Variants in TRPC1 observed in about 807,000 individuals in gnomAD.
The protein encoded by TRPC1 is transient receptor potential cation channel subfamily C member 1.
A neutral mutation model predicts 88.2 loss-of-function variants in TRPC1; 42 were observed. That is an observed-to-expected ratio of 0.48 (90% CI 0.37 to 0.62). The LOEUF (loss-of-function observed/expected upper bound fraction) is 0.62, where lower values mean the gene tolerates loss of function less well. TRPC1 is among the 20% of genes least tolerant of loss of function. The pLI is 0.00. For missense variants in TRPC1, 699 were observed against 957.3 expected (o/e 0.73, Z 3.56); for synonymous variants, 288 against 331.8 (o/e 0.87, Z 1.43).
chr3:142,729,835 G>A (rs1280633211), intron 1 of TRPC1, among the ~76,000 whole-genome samples: 1 of 152,014 alleles, frequency 6.6e-6, no homozygotes, highest in African/African-American at 2.4e-5. Flanking sequence ...TGACTTTTAG[G>A]AGCCTAGATG....
chr3:142,737,813 A>G (rs1934195964), intron 2 of TRPC1, among the ~76,000 whole-genome samples: 1 of 152,288 alleles, frequency 6.6e-6, no homozygotes, highest in East Asian at 1.9e-4. Flanking sequence ...TTCAGTACCT[A>G]TTGTTTTAGA....
intron 7 of TRPC1, among the ~76,000 whole-genome samples, chr3:142,788,333 G>A (rs1936194315): frequency 6.6e-6 from 1 of 151,864 alleles, no homozygotes; most frequent in Admixed American, 6.6e-5. Flanking sequence ...AAGAGAGAAG[G>A]GAACAGACTT....
chr3:142,773,538 T>C (rs967089391), intron 4 of TRPC1, among the ~76,000 whole-genome samples: 36 of 150,756 alleles, frequency 2.4e-4, no homozygotes, highest in Admixed American at 2.3e-3. Context: ...CAGTGGCTTA[T>C]GCCTGTATCC....
intron 9 of TRPC1, among the ~76,000 whole-genome samples, chr3:142,798,400 G>A (rs1229839222): frequency 6.6e-6 from 1 of 152,172 alleles, no homozygotes; most frequent in African/African-American, 2.4e-5. Context: ...ATACTAGTAT[G>A]AAGTCAAAAA....
chr3:142,752,193 C>T (rs141957203), intron 4 of TRPC1, among the ~76,000 whole-genome samples: 40 of 152,260 alleles, frequency 2.6e-4, no homozygotes, highest in Non-Finnish European at 4.4e-4. Context: ...GGACCTGCAC[C>T]GGCACCGGCC....
At chr3:142,784,662 T>C in intron 6 of TRPC1, 42 bp from the exon 7 acceptor site, 1 of 1,478,076 alleles carries the variant, frequency 6.8e-7, no homozygotes. Context: ...AAGGTTTCCT[T>C]TTACTTTTTT....
chr3:142,743,464 T>C, intron 2 of TRPC1, 21 bp from the exon 3 acceptor site: 6 of 1,459,044 alleles, frequency 4.1e-6, no homozygotes, highest in Non-Finnish European at 5.4e-6. Context: ...TTTTCATTTT[T>C]AACTTTTTTT....
At chr3:142,777,804 A>G in intron 5 of TRPC1, 41 bp downstream of exon 5, 1 of 1,572,108 alleles carries the variant, frequency 6.4e-7, no homozygotes, top group Non-Finnish European at 8.6e-7. Flanking sequence ...TTTGTTTTAA[A>G]TCTTCAACCT....
Position 142,724,733 on chromosome 3 carries a change from T to G in TRPC1, c.172+2T>G. 6.4e-7 allele frequency: 1 copy of G among 1,573,810 alleles called. No individual in the cohort carries two copies. Among genetic ancestry groups the G allele is most frequent in the South Asian group, 1.2e-5 (1 of 86,652 alleles). On this transcript the variant is annotated splice_donor_variant, in intron 1 of 12. Coordinates refer to ENST00000476941, the MANE Select transcript of TRPC1 (RefSeq NM_001251845.2). LOFTEE classifies it high-confidence loss of function. This position sits in a 1 kb window ranked among gnomAD's most constrained non-coding sequence, Gnocchi z 5.6. ...TTTTCTTGCTGGCGTGCGACAAGGG[T>G]GAGAGTTAGGCCCCTTTCTCCTCTG...
chr3:142,780,594 CTG>C (rs1271092173), intron 5 of TRPC1, among the ~76,000 whole-genome samples: 5 of 152,274 alleles, frequency 3.3e-5, no homozygotes, highest in Admixed American at 6.5e-5. Context: ...TAAATGAACA[CTG>C]TGCTCATCTA....
rs1364976958 is a variant in TRPC1 at position 142,724,498 on chromosome 3, C to T, written c.-62C>T. ...CCTGGGGCGTGGCTGGGGTCGGGGT[C>T]GGGGTCGGGGCCGGTGGGGGCCCCG... On this transcript the variant is annotated 5_prime_UTR_variant, in exon 1 of 13. Coordinates refer to ENST00000476941, the MANE Select transcript of TRPC1 (RefSeq NM_001251845.2). The surrounding 1 kb of genome is among the most constrained non-coding windows in gnomAD (Gnocchi z 5.6). 2.2e-6 allele frequency: 3 copies of T among 1,386,146 alleles called. No individual in the cohort carries two copies. Among genetic ancestry groups the T allele is most frequent in the Non-Finnish European group, 2.8e-6 (3 of 1,065,112 alleles). 85.9% of individuals were successfully genotyped at this position (1,386,146 alleles called of 1,614,324 possible). A position where few individuals can be genotyped will look rare whatever the true frequency, so the allele number is the denominator to read the frequency against.
intron 1 of TRPC1, among the ~76,000 whole-genome samples, chr3:142,730,332 G>A (rs1933849638): frequency 6.6e-6 from 1 of 152,052 alleles, no homozygotes; most frequent in South Asian, 2.1e-4. Flanking sequence ...GCAGCAGTGT[G>A]AATCTTTGCT....
Position 142,784,724 on chromosome 3 carries a change from C to A in TRPC1, c.981C>A (p.Cys327Ter), listed in dbSNP as rs1936077250. Residue 327 changes from cysteine (C) to a stop codon, truncating the protein, a stop_gained, in exon 7 of 13, where the codon TGC (cysteine) becomes TGA (stop). Coordinates refer to ENST00000476941, the MANE Select transcript of TRPC1 (RefSeq NM_001251845.2). LOFTEE classifies it high-confidence loss of function. The stretch of plus-strand genomic sequence containing the variant: ...TTCAGTTTGTCTCCCAGTCTAACTG[C>A]CAGCAGTTCCTGAACACTGTTTGGT... ...NQKEFVSQSN[C>*]QQFLNTVWFG... 2 of 1,611,552 alleles carry A rather than the reference C, an allele frequency of 1.2e-6. No homozygotes were observed. The highest frequency in any genetic ancestry group is 1.7e-6 in the Non-Finnish European group (2 of 1,178,602).
chr3:142,737,334 ATATG>A (rs371372307), intron 2 of TRPC1, among the ~76,000 whole-genome samples: 46 of 147,418 alleles, frequency 3.1e-4, no homozygotes, highest in East Asian at 1.6e-3. Context: ...TTATATATAT[ATATG>A]TATGTATGTA....
chr3:142,762,318 G>A (rs1346436944), intron 4 of TRPC1, among the ~76,000 whole-genome samples: 2 of 151,914 alleles, frequency 1.3e-5, no homozygotes, highest in Non-Finnish European at 2.9e-5. Flanking sequence ...TTACAGGTAT[G>A]AGCCACCGTG....
intron 2 of TRPC1, among the ~76,000 whole-genome samples, chr3:142,740,039 A>C (rs1934290483): frequency 6.6e-6 from 1 of 152,220 alleles, no homozygotes; most frequent in African/African-American, 2.4e-5. Flanking sequence ...TGAACTGCAC[A>C]TGCAAGGGAT....
chr3:142,781,718 A>T (rs1292940322), intron 6 of TRPC1, among the ~76,000 whole-genome samples: 5 of 152,270 alleles, frequency 3.3e-5, no homozygotes, highest in Admixed American at 6.5e-5. Context: ...AATTAACTAA[A>T]CAGTGATATT....
At chr3:142,733,401 A>G (rs571061028) in intron 1 of TRPC1, among the ~76,000 whole-genome samples, 65 of 152,230 alleles carry the variant, frequency 4.3e-4, no homozygotes, top group African/African-American at 1.1e-3. Context: ...AATCCCAGCT[A>G]CTCAGGAGGC....
At chr3:142,770,377 G>A (rs974239502) in intron 4 of TRPC1, among the ~76,000 whole-genome samples, 3 of 152,114 alleles carry the variant, frequency 2.0e-5, no homozygotes, top group Non-Finnish European at 2.9e-5. Flanking sequence ...GAATACAGGC[G>A]TGAGCCGCTG....
Sources: gnomAD v4.1 joint callset for allele counts (sites outside exome capture counted in the v4.1 genomes callset) on GRCh38, gnomAD v4.1.1 for gene constraint, Gnocchi (gnomAD v3.1) non-coding constraint, MANE v1.5 for transcripts, NCBI Gene and HGNC (gene_info 2026-07-23, HGNC 2026-07-21) for gene names.